The following MAN2B2 variants were observed in gnomAD, a reference collection of about 807,000 sequenced individuals.
The protein encoded by MAN2B2 is epididymis-specific alpha-mannosidase.
A neutral mutation model predicts 117.1 loss-of-function variants in MAN2B2; 106 were observed. The observed-to-expected ratio is 0.90, with a 90% confidence interval of 0.77 to 1.06. MAN2B2 has a LOEUF of 1.06. Among genes scored for constraint, MAN2B2 ranks in the 50% least tolerant of loss-of-function variants. The pLI is 0.00. For missense variants in MAN2B2, 1,326 were observed against 1,381.4 expected, an observed-to-expected ratio of 0.96 and a Z score of 0.64; for synonymous variants, 544 against 595.1, an observed-to-expected ratio of 0.91 and a Z score of 1.25.
At chr4:6,613,897 C>G (rs1711718997) in intron 15 of MAN2B2, among the ~76,000 whole-genome samples, 1 of 152,134 alleles carries the variant, frequency 6.6e-6, no homozygotes, top group African/African-American at 2.4e-5. Flanking sequence ...GAGGAGAGGG[C>G]TGTGCCTGAA....
intron 9 of MAN2B2, among the ~76,000 whole-genome samples, chr4:6,600,391 ATG>A: frequency 6.6e-6 from 1 of 152,280 alleles, no homozygotes; most frequent in African/African-American, 2.4e-5. Flanking sequence ...CGGACACCTT[ATG>A]TTCCGAGCCC....
At position 6,600,785 on chromosome 4, in the gene MAN2B2, C is replaced by A. The variant is rs756525761; in HGVS notation, c.1539+29C>A. On this transcript the variant is annotated intron_variant, in intron 10 of 18. Coordinates refer to ENST00000285599, the MANE Select transcript of MAN2B2 (RefSeq NM_015274.3). ...TGGACACAAAATCCTGCTGGAGGGG[C>A]CTTAGCTGCTTGCTGAACCTGCTCT... is the stretch of plus-strand genomic sequence containing the variant. 3.1e-6 allele frequency: 5 copies of A among 1,611,110 alleles called. No individual in the cohort carries two copies. The Admixed American group carries it at 5.0e-5, about 16-fold the overall frequency.
intron 4 of MAN2B2, 87 bp from the exon 5 acceptor site, chr4:6,588,958 G>A: frequency 1.1e-6 from 1 of 932,380 alleles, no homozygotes. Flanking sequence ...GTGAGGGCAG[G>A]CGGGAGACAC....
At chr4:6,613,174 A>C (rs1711663530) in intron 15 of MAN2B2, among the ~76,000 whole-genome samples, 1 of 152,222 alleles carries the variant, frequency 6.6e-6, no homozygotes, top group South Asian at 2.1e-4. Flanking sequence ...TATTGTAAGA[A>C]GATGGTAGCT....
chr4:6,617,465 G>A lies in MAN2B2; in HGVS notation c.2787G>A (p.Leu929=). 1.2e-6 allele frequency: 2 copies of A among 1,614,106 alleles called. No homozygotes were observed. The highest frequency in any genetic ancestry group is 4.5e-5 in the East Asian group (2 of 44,872). Residue 929 remains leucine, a synonymous_variant, in exon 17 of 19, where the codon CTG becomes CTA. Coordinates refer to ENST00000285599, the MANE Select transcript of MAN2B2 (RefSeq NM_015274.3). ...HLYEVGEDPV[L]SQPVTVNLEA... ...ATGAAGTGGGCGAGGACCCAGTCCT[G>A]TCTCAGCCAGTGACAGTGAATCTGG...
intron 10 of MAN2B2, among the ~76,000 whole-genome samples, chr4:6,601,500 CAA>C (rs1172595578): frequency 2.7e-4 from 27 of 101,516 alleles, no homozygotes; most frequent in Admixed American, 5.4e-4. Context: ...GACTCCATCT[CAA>C]AAAAAAAAAA....
At chr4:6,582,205 C>G (rs984640101) in intron 3 of MAN2B2, among the ~76,000 whole-genome samples, 5 of 152,148 alleles carry the variant, frequency 3.3e-5, no homozygotes, top group Non-Finnish European at 5.9e-5. Context: ...AACCCAAGCT[C>G]TCAGCCCTGT....
At chr4:6,615,988 G>C (rs1379905721) in intron 16 of MAN2B2, among the ~76,000 whole-genome samples, 1 of 152,104 alleles carries the variant, frequency 6.6e-6, no homozygotes, top group Non-Finnish European at 1.5e-5. Context: ...ATTTTTAATA[G>C]AGACAGGGTT....
chr4:6,579,153 T>TCACCACCACCAC (rs1726244970), intron 3 of MAN2B2, among the ~76,000 whole-genome samples: 3 of 17,582 alleles, frequency 1.7e-4, no homozygotes, highest in Non-Finnish European at 3.8e-4. Flanking sequence ...ACCACCACCA[T>TCACCACCACCAC]CACCATCACC....
At chr4:6,585,598 A>G (rs971987944) in intron 3 of MAN2B2, among the ~76,000 whole-genome samples, 7 of 152,220 alleles carry the variant, frequency 4.6e-5, no homozygotes, top group Admixed American at 2.0e-4. Flanking sequence ...ATTTCCGTGT[A>G]GCAAATTGCC....
rs1321007030 is a variant in MAN2B2 at position 6,593,357 on chromosome 4, C to T, written c.858+7C>T. The T allele has an allele frequency of 6.2e-7, 1 of 1,609,292 alleles. No individual in the cohort carries two copies. The highest frequency in any genetic ancestry group is 8.5e-7 in the Non-Finnish European group (1 of 1,177,956). ...GCACGTCCTCTGGCCCTGGGTAAGG[C>T]AGAGTCCCAGGTGCTGTGCCCTCAA... On this transcript the variant is annotated splice_region_variant and intron_variant, in intron 6 of 18. Transcript: ENST00000285599.
intron 15 of MAN2B2, among the ~76,000 whole-genome samples, chr4:6,613,373 A>G (rs935536253): frequency 2.0e-5 from 3 of 152,172 alleles, no homozygotes; most frequent in East Asian, 1.9e-4. Flanking sequence ...AGGATCTCTT[A>G]AGCCCAGGAG....
chr4:6,605,328 A>T lies in MAN2B2; in HGVS notation c.1813A>T (p.Arg605Ter). Residue 605 changes from arginine to a stop codon, truncating the protein, a stop_gained and splice_region_variant, in exon 11 of 19, where the codon AGA (arginine) becomes TGA (stop). Coordinates refer to ENST00000285599, the MANE Select transcript of MAN2B2 (RefSeq NM_015274.3). LOFTEE classifies it high-confidence loss of function. ...CAACCTGATGCACAGCATCTGGGAG[A>T]GGTAAGGTGCAGCCATTGCTGTCTC... The part of the protein sequence containing the change: ...DTNLMHSIWE[R>*]QSNRTVRVTQ... The T allele has an allele frequency of 6.2e-7, 1 of 1,605,826 alleles. No homozygotes were observed. Among genetic ancestry groups the T allele is most frequent in the Non-Finnish European group, 8.5e-7 (1 of 1,173,794 alleles).
chr4:6,595,402 G>T (rs1189088348), intron 7 of MAN2B2, among the ~76,000 whole-genome samples: 1 of 152,188 alleles, frequency 6.6e-6, no homozygotes, highest in African/African-American at 2.4e-5. Context: ...TAGACCTCTG[G>T]GTGCTGCTGT....
In MAN2B2 at chr4:6,589,048, C is replaced by T; in HGVS notation, c.568C>T (p.Leu190=). 6.2e-7 allele frequency: 1 copy of T among 1,613,452 alleles called. No individual in the cohort carries two copies. Among genetic ancestry groups the T allele is most frequent in the Non-Finnish European group, 8.5e-7 (1 of 1,179,396 alleles). Residue 190 remains leucine, a synonymous_variant, in exon 5 of 19, where the codon CTG becomes TTG. Transcript: ENST00000285599. ...CATTCTTCTCCTCGGTTTGCAGGGG[C>T]TGCAGTTCGTGTGGCGAGGGTCCCC... ...LKAAMQEARG[L]QFVWRGSPSL... is the part of the protein sequence containing the mutation.
intron 17 of MAN2B2, chr4:6,618,990 G>A (rs1406884152): frequency 3.3e-5 from 5 of 152,338 alleles, no homozygotes; most frequent in Non-Finnish European, 7.3e-5. Flanking sequence ...GCCAGCGTGG[G>A]ACCTGGAAGT....
At chr4:6,579,039 C>G (rs1223743159) in intron 3 of MAN2B2, among the ~76,000 whole-genome samples, 4 of 98,740 alleles carry the variant, frequency 4.1e-5, no homozygotes, top group African/African-American at 2.2e-4. Context: ...ACCACTACCA[C>G]CATCACCACC....
rs201063577 is a variant in MAN2B2, at chr4:6,610,049, G to A, written c.2258G>A (p.Arg753Gln). The A allele has an allele frequency of 4.5e-5, 73 of 1,613,850 alleles. No homozygotes were observed. Among genetic ancestry groups the A allele is most frequent in the South Asian group, 1.3e-4 (12 of 91,074 alleles). The change falls in exon 13 of 19, where the codon CGG (arginine) becomes CAG (glutamine). Residue 753 changes from arginine (R) to glutamine (Q), a missense_variant and splice_region_variant. By Grantham distance (43) the Arg-to-Gln change is conservative. Coordinates refer to ENST00000285599, the MANE Select transcript of MAN2B2 (RefSeq NM_015274.3). ...TCCTATGTGAACAACAGCATCGCCC[G>A]GGTATGTCCTGCAATGCCCACAAGG... The part of the protein sequence containing the change: ...YVSYVNNSIA[R>Q]NYYPMVQSAF...
chr4:6,577,959 C>T (rs1726132068), intron 2 of MAN2B2, among the ~76,000 whole-genome samples: 1 of 152,162 alleles, frequency 6.6e-6, no homozygotes, highest in African/African-American at 2.4e-5. Flanking sequence ...AAAGGCACAG[C>T]CTATAAACAG....
Sources: allele counts gnomAD v4.1 joint callset (sites outside exome capture counted in the v4.1 genomes callset), GRCh38; gene constraint gnomAD v4.1.1; transcripts MANE v1.5; gene names NCBI Gene and HGNC (gene_info 2026-07-23, HGNC 2026-07-21).